SLC5A4: variants seen among roughly 807,000 people sequenced by gnomAD.
The protein encoded by SLC5A4 is probable glucose sensor protein SLC5A4.
In SLC5A4, 55 loss-of-function variants were observed where a neutral mutation model predicts 70.3. The ratio of observed to expected loss-of-function variants is 0.78; its 90% CI spans 0.63 to 0.98. SLC5A4 has a LOEUF of 0.98. Among genes scored for constraint, SLC5A4 ranks in the 50% least tolerant of loss-of-function variants. The probability of loss-of-function intolerance (pLI) is 0.00; values close to 1 mark genes in which losing one functional copy is unlikely to be tolerated. For missense variants in SLC5A4, 735 were observed against 839.2 expected, an observed-to-expected ratio of 0.88 and a Z score of 1.53; for synonymous variants, 268 against 305.7, an observed-to-expected ratio of 0.88 and a Z score of 1.29.
chr22:32,298,853 G>A, the SLC5A4 span, among the ~76,000 whole-genome samples: 5 of 110,930 alleles, frequency 4.5e-5, no homozygotes, highest in Non-Finnish European at 9.4e-5. Context: ...AGGCCTGGTG[G>A]TGACAAAATC....
the SLC5A4 span, among the ~76,000 whole-genome samples, chr22:32,354,613 G>A: frequency 7.3e-5 from 11 of 151,544 alleles, no homozygotes; most frequent in African/African-American, 1.2e-4. Flanking sequence ...CCCCACTGCC[G>A]CTAGCAGTAC....
chr22:32,306,319 G>C, the SLC5A4 span, among the ~76,000 whole-genome samples: 3 of 122,106 alleles, frequency 2.5e-5, no homozygotes, highest in East Asian at 5.3e-4. Flanking sequence ...CAAAAAATTA[G>C]CCAGGTGTGG....
the SLC5A4 span, among the ~76,000 whole-genome samples, chr22:32,266,145 G>C: frequency 5.9e-5 from 9 of 152,150 alleles, no homozygotes; most frequent in Non-Finnish European, 1.5e-5. Context: ...CTTTGCCTTT[G>C]AATTTAAACT....
At chr22:32,279,663 A>G in the SLC5A4 span, among the ~76,000 whole-genome samples, 1 of 152,162 alleles carries the variant, frequency 6.6e-6, no homozygotes, top group African/African-American at 2.4e-5. Flanking sequence ...TGAGGGCAGA[A>G]CCCTCATGAT....
the SLC5A4 span, among the ~76,000 whole-genome samples, chr22:32,317,747 A>T: frequency 0.68 from 102,981 of 152,146 alleles, 34,938 homozygotes; most frequent in South Asian, 0.74. Context: ...ATTACAGGCA[A>T]GAGCCACCAT....
the SLC5A4 span, among the ~76,000 whole-genome samples, chr22:32,330,537 G>GA: frequency 7.6e-6 from 1 of 131,568 alleles, no homozygotes; most frequent in Non-Finnish European, 1.6e-5. Flanking sequence ...TCTGTGTTGG[G>GA]GGCTCTGGTG....
chr22:32,260,097 T>C (rs1927687311), upstream of SLC5A4, among the ~76,000 whole-genome samples: 1 of 152,116 alleles, frequency 6.6e-6, no homozygotes, highest in Non-Finnish European at 1.5e-5. Flanking sequence ...CATTGACCAC[T>C]CTCAGAAGGG....
At chr22:32,332,453 T>C in the SLC5A4 span, among the ~76,000 whole-genome samples, 16 of 152,330 alleles carry the variant, frequency 1.1e-4, no homozygotes, top group East Asian at 3.1e-3. Flanking sequence ...GACAGGCTCA[T>C]TCCTTTCCAT....
chr22:32,301,502 TGAAA>T, the SLC5A4 span, among the ~76,000 whole-genome samples: 9 of 152,330 alleles, frequency 5.9e-5, no homozygotes, highest in East Asian at 3.9e-4. Context: ...AAAACATTCT[TGAAA>T]GAAATTTTAA....
intron 13 of SLC5A4, among the ~76,000 whole-genome samples, chr22:32,221,867 C>T (rs1401860363): frequency 1.3e-5 from 2 of 152,204 alleles, no homozygotes; most frequent in African/African-American, 4.8e-5. Flanking sequence ...TCTCCTGCCT[C>T]AGCCTCACGA....
rs753151639 is a variant in SLC5A4 at position 32,231,004 on chromosome 22, C to G, written c.1093G>C (p.Ala365Pro). The change falls in exon 10 of 15, where the codon GCA (alanine) becomes CCA (proline). Residue 365 changes from alanine (A) to proline (P), a missense_variant. Coordinates refer to ENST00000266086, the MANE Select transcript of SLC5A4 (RefSeq NM_014227.3). The stretch of plus-strand genomic sequence containing the variant: ...AGTTCCAGCACCATCGTGGGGTATG[C>G]GTAGTTGGTGCAGCCAACATCAACG... ...CGVDVGCTNY[A>P]YPTMVLELMP... is the part of the protein sequence containing the mutation. 9.3e-6 allele frequency: 15 copies of G among 1,613,686 alleles called. No homozygotes were observed. The highest frequency in any genetic ancestry group is 1.2e-5 in the Non-Finnish European group (14 of 1,179,720).
the SLC5A4 span, among the ~76,000 whole-genome samples, chr22:32,309,865 C>T: frequency 6.6e-6 from 1 of 151,596 alleles, no homozygotes; most frequent in Non-Finnish European, 1.5e-5. Flanking sequence ...CACTCTGCAC[C>T]TGCCTTTGCT....
chr22:32,326,267 C>T, the SLC5A4 span, among the ~76,000 whole-genome samples: 7 of 141,986 alleles, frequency 4.9e-5, no homozygotes, highest in Non-Finnish European at 9.0e-5. Context: ...GGAGCCTTCA[C>T]GTATTTTTTT....
the SLC5A4 span, among the ~76,000 whole-genome samples, chr22:32,336,790 G>A: frequency 2.6e-5 from 4 of 152,348 alleles, no homozygotes. Context: ...GCCAGGGCAG[G>A]GTCAGAATGG....
the SLC5A4 span, among the ~76,000 whole-genome samples, chr22:32,300,722 C>T: frequency 6.6e-6 from 1 of 152,146 alleles, no homozygotes; most frequent in Non-Finnish European, 1.5e-5. Flanking sequence ...CAGATTTTTG[C>T]ATGTATCAAT....
the SLC5A4 span, among the ~76,000 whole-genome samples, chr22:32,319,089 C>G: frequency 3.3e-5 from 5 of 152,196 alleles, no homozygotes; most frequent in Non-Finnish European, 5.9e-5. Flanking sequence ...TCTCTGCCTG[C>G]CTTTAAGTGG....
chr22:32,239,859 C>T (rs560551353), intron 5 of SLC5A4, among the ~76,000 whole-genome samples: 12 of 149,086 alleles, frequency 8.0e-5, no homozygotes, highest in Non-Finnish European at 1.5e-4. Context: ...CCCGTCTCTA[C>T]TACAAATACA....
chr22:32,289,525 T>C, the SLC5A4 span, among the ~76,000 whole-genome samples: 1 of 152,204 alleles, frequency 6.6e-6, no homozygotes, highest in African/African-American at 2.4e-5. Flanking sequence ...TTCGCTCTTG[T>C]TGCTGGAGTG....
At chr22:32,260,827 C>G in the SLC5A4 span, among the ~76,000 whole-genome samples, 4 of 152,200 alleles carry the variant, frequency 2.6e-5, no homozygotes, top group Non-Finnish European at 5.9e-5. Context: ...AATCCCAACA[C>G]TTTGGGAGGC....
Sources: allele counts gnomAD v4.1 joint callset (sites outside exome capture counted in the v4.1 genomes callset), GRCh38; gene constraint gnomAD v4.1.1; transcripts MANE v1.5; gene names NCBI Gene and HGNC (gene_info 2026-07-23, HGNC 2026-07-21).